The following KDR variants were observed in gnomAD, a reference collection of about 807,000 sequenced individuals.
The protein encoded by KDR is vascular endothelial growth factor receptor 2.
A neutral mutation model predicts 160.9 loss-of-function variants in KDR; 43 were observed. That is an observed-to-expected ratio of 0.27 (90% confidence interval 0.21 to 0.34). KDR has a LOEUF of 0.34. Among genes scored for constraint, KDR ranks in the 10% least tolerant of loss-of-function variants. KDR has a pLI of 1.00. For synonymous variants in KDR, 617 were observed against 600.1 expected (o/e 1.03, Z -0.41); for missense variants, 1,469 against 1,666.4 (o/e 0.88, Z 2.06).
intron 22 of KDR, chr4:55,092,413 C>T: frequency 1.7e-6 from 1 of 580,498 alleles, no homozygotes; most frequent in African/African-American, 1.9e-5. Flanking sequence ...GCTTGACAAG[C>T]CTTTATTATA....
At position 55,097,884 on chromosome 4, in the gene KDR, C is replaced by G; in HGVS notation, c.2510-118G>C. The G allele has an allele frequency of 6.0e-6, 5 of 830,402 alleles. No homozygotes were observed. In the South Asian group the frequency reaches 7.1e-5, roughly 12 times the overall value. The allele number at this position is 830,402 out of a possible 1,614,324, so 51.4% of individuals were successfully genotyped here. The stretch of plus-strand genomic sequence containing the variant: ...TACATCCCAATTTAACATGGATAGT[C>G]CAGTTTACTCCTTTGTCCTGGCTTA... On this transcript the variant is annotated intron_variant, in intron 17 of 29. Coordinates refer to ENST00000263923, the MANE Select transcript of KDR (RefSeq NM_002253.4).
At position 55,125,396 on chromosome 4, in the gene KDR, C is replaced by G. The variant is rs1356381892; in HGVS notation, c.-103G>C. ...CGCGGAGGTGGAACTCGCGGCACCC[C>G]GCAGCGCAGGACAGTTGAGCGCACA... On this transcript the variant is annotated 5_prime_UTR_variant, in exon 1 of 30. Coordinates refer to ENST00000263923, the MANE Select transcript of KDR (RefSeq NM_002253.4). 2.1e-6 allele frequency: 3 copies of G among 1,409,348 alleles called. No homozygotes were observed. Among genetic ancestry groups the G allele is most frequent in the East Asian group, 2.5e-5 (1 of 40,362 alleles). The allele number at this position is 1,409,348 out of a possible 1,614,324, so 87.3% of individuals were successfully genotyped here.
At chr4:55,095,981 C>T (rs1720141418) in intron 19 of KDR, among the ~76,000 whole-genome samples, 1 of 152,150 alleles carries the variant, frequency 6.6e-6, no homozygotes, top group Non-Finnish European at 1.5e-5. Context: ...GTTTACTCTT[C>T]TCTGGACATC....
chr4:55,114,047 G>A (rs1447902604), intron 6 of KDR, 79 bp downstream of exon 6: 27 of 1,473,690 alleles, frequency 1.8e-5, no homozygotes, highest in Non-Finnish European at 2.6e-5. Flanking sequence ...GGCCAAAGAG[G>A]CCCCTATCTC....
In KDR at chr4:55,110,472, A is replaced by G; in HGVS notation, c.1186T>C (p.Tyr396His). Residue 396 changes from tyrosine to histidine, a missense_variant, in exon 9 of 30, where the codon TAC (tyrosine) becomes CAC (histidine). Transcript: ENST00000263923. ...ATGGGATTGGTAAGGATGACAGTGT[A>G]ATTTCCTGTGTCTCTTTCACTCACT... ...MEVSERDTGNYTVILTNPISK... is the reference protein window; with the variant it reads ...MEVSERDTGNHTVILTNPISK... The G allele has an allele frequency of 6.2e-7, 1 of 1,614,032 alleles. No homozygotes were observed.
In KDR at chr4:55,079,396, T is replaced by C. The variant is rs185629558; in HGVS notation, c.*545A>G. The stretch of plus-strand genomic sequence containing the variant: ...CTCCACCAGAGCAAACACAATGCAT[T>C]TGCAGGCTCCAGTACTCTCCAAAGC... On this transcript the variant is annotated 3_prime_UTR_variant, in exon 30 of 30. Transcript: ENST00000263923. The C allele has an allele frequency of 1.8e-4, 45 of 249,726 alleles. No individual in the cohort carries two copies. The highest frequency in any genetic ancestry group is 1.2e-3 in the Middle Eastern group (1 of 818). 15.5% of individuals were successfully genotyped at this position (249,726 alleles called of 1,614,324 possible).
chr4:55,118,224 C>T (rs1405934078), intron 3 of KDR, among the ~76,000 whole-genome samples: 1 of 152,222 alleles, frequency 6.6e-6, no homozygotes, highest in African/African-American at 2.4e-5. Context: ...TCCTACTCTG[C>T]TGTAGATAAC....
intron 3 of KDR, among the ~76,000 whole-genome samples, chr4:55,117,133 C>T (rs1182075062): frequency 6.6e-6 from 1 of 152,098 alleles, no homozygotes; most frequent in Non-Finnish European, 1.5e-5. Flanking sequence ...AAGACTAAAC[C>T]TATTTAGTAA....
At chr4:55,091,442 C>A (rs1720016012) in intron 22 of KDR, among the ~76,000 whole-genome samples, 1 of 152,206 alleles carries the variant, frequency 6.6e-6, no homozygotes, top group Non-Finnish European at 1.5e-5. Flanking sequence ...CCATTCTCTT[C>A]CTAGTCCCCA....
At chr4:55,087,289 T>C (rs1323630697) in intron 27 of KDR, among the ~76,000 whole-genome samples, 1 of 152,234 alleles carries the variant, frequency 6.6e-6, no homozygotes, top group Non-Finnish European at 1.5e-5. Flanking sequence ...CGGGGATAAT[T>C]TAAATGCAGA....
At chr4:55,095,094 T>G in intron 20 of KDR, 139 bp from the exon 21 acceptor site, 1 of 855,210 alleles carries the variant, frequency 1.2e-6, no homozygotes, top group South Asian at 1.6e-5. Flanking sequence ...AATTTCAGGA[T>G]TATGCAATCT....
chr4:55,101,746 G>C, intron 15 of KDR, 151 bp downstream of exon 15: 1 of 677,740 alleles, frequency 1.5e-6, no homozygotes, highest in Non-Finnish European at 2.6e-6. Flanking sequence ...AGAATGTGTG[G>C]CGTTTGGTTT....
intron 15 of KDR, 95 bp from the exon 16 acceptor site, chr4:55,098,898 C>T: frequency 2.3e-6 from 2 of 872,804 alleles, no homozygotes; most frequent in Non-Finnish European, 3.8e-6. Context: ...AAATCCCAAG[C>T]TTACCAACTT....
chr4:55,110,380 A>T (rs1301100498), intron 9 of KDR, 23 bp downstream of exon 9: 2 of 1,611,668 alleles, frequency 1.2e-6, no homozygotes, highest in African/African-American at 2.7e-5. Flanking sequence ...TCTTGGGCAG[A>T]GAGGAAAATT....
chr4:55,098,440 C>A (rs1432946414), intron 16 of KDR, among the ~76,000 whole-genome samples, 168 bp from the exon 17 acceptor site: 1 of 152,046 alleles, frequency 6.6e-6, no homozygotes, highest in Non-Finnish European at 1.5e-5. Flanking sequence ...TCCCTTGTCC[C>A]CCAAAGGAGC....
At chr4:55,096,417 C>A (rs926409777) in intron 18 of KDR, 75 bp from the exon 19 acceptor site, 17 of 1,000,430 alleles carry the variant, frequency 1.7e-5, no homozygotes, top group South Asian at 1.7e-4. Flanking sequence ...TCCCTCCCTG[C>A]ATGCCACTAT....
rs529019180 is a variant in KDR, at chr4:55,109,208, A to G, written c.1255+1195T>C. Among the ~76,000 whole-genome samples the G allele has an allele frequency of 3.1e-3, 464 of 151,828 alleles. 2 individuals carry two copies. Among genetic ancestry groups the G allele is most frequent in the South Asian group, 7.3e-3 (35 of 4,798 alleles). On this transcript the variant is annotated intron_variant, in intron 9 of 29. Transcript: ENST00000263923. Reference sequence around the variant, plus strand: ...AGTGATTCTCCTGCCTCAGCCTCCCAAGTAGCTGGGATTACAGGTGCCCAC... The same window carrying G: ...AGTGATTCTCCTGCCTCAGCCTCCCGAGTAGCTGGGATTACAGGTGCCCAC...
intron 1 of KDR, among the ~76,000 whole-genome samples, chr4:55,124,434 T>C (rs1720977394): frequency 6.6e-6 from 1 of 152,078 alleles, no homozygotes. Context: ...GAGGAAGGAA[T>C]GGCACTAAAG....
Position 55,118,640 on chromosome 4 carries a change from T to G in KDR, c.322A>C (p.Thr108Pro). 6.2e-7 allele frequency: 1 copy of G among 1,614,156 alleles called. No homozygotes were observed. The highest frequency in any genetic ancestry group is 8.5e-7 in the Non-Finnish European group (1 of 1,180,002). The change falls in exon 3 of 30, where the codon ACT becomes CCT. Residue 108 changes from threonine (T) to proline (P), a missense_variant. By Grantham distance (38) the Thr-to-Pro change is conservative. Transcript: ENST00000263923. Reference protein sequence around the residue: ...TGAYKCFYRETDLASVIYVYV... With the variant: ...TGAYKCFYREPDLASVIYVYV... ...ACATAAATGACCGAGGCCAAGTCAG[T>G]TTCCCGGTAGAAGCACTTGTAGGCT...
Sources: gnomAD v4.1 joint callset for allele counts (sites outside exome capture counted in the v4.1 genomes callset) on GRCh38, gnomAD v4.1.1 for gene constraint, MANE v1.5 for transcripts, NCBI Gene and HGNC (gene_info 2026-07-23, HGNC 2026-07-21) for gene names.